The following PCDH15 variants were observed in gnomAD, a reference collection of about 807,000 sequenced individuals.
PCDH15 encodes protocadherin related 15.
A neutral mutation model predicts 178.5 loss-of-function variants in PCDH15; 129 were observed. The ratio of observed to expected loss-of-function variants is 0.72; its 90% CI spans 0.63 to 0.84. The LOEUF (loss-of-function observed/expected upper bound fraction) is 0.84. PCDH15 is among the 40% of genes least tolerant of loss of function. The probability of loss-of-function intolerance (pLI) is 0.00; values close to 1 mark genes in which losing one functional copy is unlikely to be tolerated. For synonymous variants in PCDH15, 800 were observed against 732.0 expected (o/e 1.09, Z -1.50); for missense variants, 2,230 against 2,099.9 (o/e 1.06, Z -1.21).
chr10:53,840,407 G>C lies in PCDH15; in HGVS notation c.3896C>G (p.Ser1299Cys). 6.2e-7 allele frequency: 1 copy of C among 1,614,010 alleles called. No individual in the cohort carries two copies. The highest frequency in any genetic ancestry group is 8.5e-7 in the Non-Finnish European group (1 of 1,179,902). The change falls in exon 29 of 38, where the codon TCC (serine) becomes TGC (cysteine). Residue 1299 changes from serine (S) to cysteine (C), a missense_variant. Coordinates refer to ENST00000644397, the MANE Select transcript of PCDH15 (RefSeq NM_001384140.1). ...IGARRHGDAF[S>C]LEDYTKCDLT... Reference sequence around the variant, plus strand: ...GTCACATTTGGTGTAATCTTCTAGGGAAAAGGCATCTCCATGCCGGCGAGC... The same window carrying C: ...GTCACATTTGGTGTAATCTTCTAGGCAAAAGGCATCTCCATGCCGGCGAGC...
Position 53,961,870 on chromosome 10 carries a change from C to T in PCDH15, c.2891G>A (p.Arg964Lys), listed in dbSNP as rs149605588. 1.9e-5 allele frequency: 30 copies of T among 1,609,834 alleles called. No homozygotes were observed. In the African/African-American group the frequency reaches 3.9e-4, roughly 21 times the overall value. ...DPPGLPASRV[R>K]YRVDDVQFPY... ...AAACTGTACATCATCTACTCTATACCTCACACGACTTGCAGGTAATCCCTA... is the reference window on the plus strand; with the variant it reads ...AAACTGTACATCATCTACTCTATACTTCACACGACTTGCAGGTAATCCCTA... The change falls in exon 22 of 38, where the codon AGG becomes AAG. Residue 964 changes from arginine to lysine, a missense_variant. Physicochemically the swap from Arg to Lys is conservative, Grantham distance 26 (BLOSUM62 2). Coordinates refer to ENST00000644397, the MANE Select transcript of PCDH15 (RefSeq NM_001384140.1).
intron 3 of PCDH15, among the ~76,000 whole-genome samples, chr10:54,843,499 T>A (rs1245094294): frequency 3.3e-5 from 5 of 151,996 alleles, no homozygotes; most frequent in African/African-American, 1.2e-4. Flanking sequence ...CTTACTCTCT[T>A]ACTGACTTAA....
At position 54,132,898 on chromosome 10, in the gene PCDH15, C is replaced by T; in HGVS notation, c.1894G>A (p.Gly632Ser). ...ACCTGTAGATTTAATAAAACAGCAC[C>T]AACCCTCATGGCTTCACTAATTTCA... The part of the protein sequence containing the change: ...SLEISEAMRV[G>S]AVLLNLQATD... The change falls in exon 15 of 38, where the codon GGT becomes AGT. Residue 632 changes from glycine to serine, a missense_variant. Gly to Ser is a moderately conservative substitution (Grantham distance 56). Transcript: ENST00000644397. 2 of 1,613,578 alleles carry T rather than the reference C, an allele frequency of 1.2e-6. No individual in the cohort carries two copies. Among genetic ancestry groups the T allele is most frequent in the Admixed American group, 1.7e-5 (1 of 59,962 alleles).
At chr10:54,188,823 G>T (rs1175421793) in intron 11 of PCDH15, among the ~76,000 whole-genome samples, 2 of 151,642 alleles carry the variant, frequency 1.3e-5, no homozygotes, top group African/African-American at 4.8e-5. Context: ...ACATATATAG[G>T]CACATACAAC....
chr10:54,029,536 C>T (rs1382925364), intron 18 of PCDH15, among the ~76,000 whole-genome samples: 3 of 152,064 alleles, frequency 2.0e-5, no homozygotes, highest in African/African-American at 7.2e-5. Context: ...AAATAAAGAC[C>T]TCACTGGACA....
chr10:55,042,527 A>T (rs1449498634), intron 2 of PCDH15, among the ~76,000 whole-genome samples: 2 of 152,130 alleles, frequency 1.3e-5, no homozygotes, highest in Non-Finnish European at 2.9e-5. Flanking sequence ...TTTGGAGTAA[A>T]AGCAAGAGAC....
chr10:54,423,322 ATTATTCTTTTATTC>A (rs1422603507), intron 3 of PCDH15, among the ~76,000 whole-genome samples: 1 of 150,712 alleles, frequency 6.6e-6, no homozygotes, highest in Non-Finnish European at 1.5e-5. Context: ...AATACTTACT[ATTATTCTTTTATTC>A]TTTACCATCA....
At chr10:54,514,368 A>AT (rs1241114614) in intron 3 of PCDH15, among the ~76,000 whole-genome samples, 1 of 152,122 alleles carries the variant, frequency 6.6e-6, no homozygotes, top group Non-Finnish European at 1.5e-5. Context: ...CAAAATAGTG[A>AT]TTTTTAATCA....
chr10:54,309,850 T>C (rs916450224), intron 8 of PCDH15, among the ~76,000 whole-genome samples: 5 of 151,880 alleles, frequency 3.3e-5, no homozygotes, highest in Admixed American at 6.6e-5. Flanking sequence ...GGTTTCAAGT[T>C]AGGATATAAT....
At chr10:55,334,703 CT>C (rs1409925357) in intron 2 of PCDH15, among the ~76,000 whole-genome samples, 1 of 151,974 alleles carries the variant, frequency 6.6e-6, no homozygotes, top group African/African-American at 2.4e-5. Context: ...CTCTGAATGT[CT>C]AGTTTTCCAC....
chr10:54,606,532 A>G (rs1481843922), intron 2 of PCDH15: 1 of 152,090 alleles, frequency 6.6e-6, no homozygotes, highest in Admixed American at 6.6e-5. Context: ...TATCAGAAAG[A>G]GAGAAGGAAA....
intron 21 of PCDH15, among the ~76,000 whole-genome samples, chr10:53,975,400 A>G (rs915330619): frequency 3.3e-5 from 5 of 152,184 alleles, no homozygotes; most frequent in African/African-American, 1.2e-4. Context: ...ATTCCCACCA[A>G]CAATGAATAA....
At position 54,225,359 on chromosome 10, in the gene PCDH15, C is replaced by T. The variant is rs182453476; in HGVS notation, c.986-11311G>A. On this transcript the variant is annotated intron_variant, in intron 9 of 37. Transcript: ENST00000644397. ...AGAAACTATGTTATTACTAATAGAA[C>T]CAACATTTTTTCTGACTACGTAGAT... Among the ~76,000 whole-genome samples the T allele has an allele frequency of 1.8e-3, 273 of 152,206 alleles. 1 individual carries two copies. Among genetic ancestry groups the T allele is most frequent in the Non-Finnish European group, 3.3e-3 (223 of 68,004 alleles).
chr10:54,545,935 C>T (rs947914241), intron 2 of PCDH15, among the ~76,000 whole-genome samples: 1 of 152,230 alleles, frequency 6.6e-6, no homozygotes, highest in Non-Finnish European at 1.5e-5. Flanking sequence ...AAGACACTCT[C>T]ATGACACAAG....
intron 32 of PCDH15, chr10:53,822,625 A>AAAGTTC: frequency 6.2e-7 from 1 of 1,614,046 alleles, no homozygotes; most frequent in Non-Finnish European, 8.5e-7. Flanking sequence ...CTTGAAGGAG[A>AAAGTTC]AAGTTCCAAG....
At chr10:54,628,840 T>C (rs2093627657) in intron 2 of PCDH15, among the ~76,000 whole-genome samples, 1 of 152,148 alleles carries the variant, frequency 6.6e-6, no homozygotes, top group South Asian at 2.1e-4. Context: ...ATGTCTGCTC[T>C]CACCAAGACT....
At chr10:54,363,050 A>G (rs1047959341) in intron 5 of PCDH15, among the ~76,000 whole-genome samples, 1 of 152,060 alleles carries the variant, frequency 6.6e-6, no homozygotes, top group South Asian at 2.1e-4. Context: ...GTAGAAATAT[A>G]TATGTTATAG....
At chr10:53,995,869 T>C (rs2091816212) in intron 20 of PCDH15, 104 bp from the exon 21 acceptor site, 1 of 1,026,340 alleles carries the variant, frequency 9.7e-7, no homozygotes, top group Non-Finnish European at 1.5e-6. Flanking sequence ...TATTTACCAC[T>C]GTCAGCCTTC....
chr10:55,603,111 A>T (rs1243941962), intron 2 of PCDH15, among the ~76,000 whole-genome samples: 12 of 152,302 alleles, frequency 7.9e-5, no homozygotes, highest in East Asian at 1.9e-4. Context: ...CAGGAGCCGA[A>T]GCAATCAACT....
Sources: gnomAD v4.1 joint callset for allele counts (sites outside exome capture counted in the v4.1 genomes callset) on GRCh38, gnomAD v4.1.1 for gene constraint, MANE v1.5 for transcripts, NCBI Gene and HGNC (gene_info 2026-07-23, HGNC 2026-07-21) for gene names.